ARHGAP15: variants seen among roughly 807,000 people sequenced by gnomAD.
ARHGAP15 encodes rho GTPase-activating protein 15.
ARHGAP15 carries 51 observed loss-of-function variants against 63.7 expected under a neutral mutation model. The ratio of observed to expected loss-of-function variants is 0.80; its 90% confidence interval spans 0.64 to 1.01. The LOEUF is 1.01. Among genes scored for constraint, ARHGAP15 ranks in the 50% least tolerant of loss-of-function variants. The pLI, the probability that ARHGAP15 is intolerant of heterozygous loss-of-function variation, is 0.00. For synonymous variants in ARHGAP15, 191 were observed against 193.8 expected (o/e 0.99, Z 0.12); for missense variants, 560 against 564.6 (o/e 0.99, Z 0.08).
rs929778229 is a variant in ARHGAP15, at chr2:143,486,775, G to A, written c.704-598G>A. 3.9e-5 allele frequency among the ~76,000 whole-genome samples: 6 copies of A among 152,316 alleles called. No individual in the cohort carries two copies. In the East Asian group the frequency reaches 1.2e-3, roughly 29 times the overall value. On this transcript the variant is annotated intron_variant, in intron 8 of 13. Coordinates refer to ENST00000295095, the MANE Select transcript of ARHGAP15 (RefSeq NM_018460.4). ...AAATCTGAGAATAGGAAACTGAGGA[G>A]AGGGGACTAATGAAGACATGGAAAA... is the stretch of plus-strand genomic sequence containing the variant.
At chr2:143,250,310 A>T (rs559718942) in intron 5 of ARHGAP15, among the ~76,000 whole-genome samples, 56 of 152,234 alleles carry the variant, frequency 3.7e-4, no homozygotes, top group African/African-American at 1.3e-3. Flanking sequence ...AAATAATTTT[A>T]AAAATAAGTC....
intron 13 of ARHGAP15, among the ~76,000 whole-genome samples, chr2:143,757,836 T>C (rs1686633260): frequency 6.6e-6 from 1 of 152,106 alleles, no homozygotes; most frequent in Non-Finnish European, 1.5e-5. Flanking sequence ...GGTTGGATTT[T>C]ATAATAATAA....
At chr2:143,495,955 A>G (rs748093717) in intron 9 of ARHGAP15, among the ~76,000 whole-genome samples, 2 of 152,240 alleles carry the variant, frequency 1.3e-5, no homozygotes, top group Non-Finnish European at 2.9e-5. Flanking sequence ...CTTCCACGAT[A>G]TGCACTAATG....
intron 11 of ARHGAP15, among the ~76,000 whole-genome samples, chr2:143,575,430 C>T (rs897893655): frequency 3.3e-5 from 5 of 152,038 alleles, no homozygotes; most frequent in African/African-American, 1.2e-4. Flanking sequence ...GATGAGAGAA[C>T]CAGGATTCTG....
At chr2:143,675,263 C>T (rs977988797) in intron 12 of ARHGAP15, among the ~76,000 whole-genome samples, 1 of 152,200 alleles carries the variant, frequency 6.6e-6, no homozygotes, top group South Asian at 2.1e-4. Context: ...GCTAGTTCCA[C>T]CACATCTACA....
At chr2:143,386,794 CATT>C (rs1188794458) in intron 6 of ARHGAP15, among the ~76,000 whole-genome samples, 1 of 152,022 alleles carries the variant, frequency 6.6e-6, no homozygotes, top group African/African-American at 2.4e-5. Flanking sequence ...AGTTATAAAA[CATT>C]AATTCCTTTT....
chr2:143,134,228 C>A (rs573973511), intron 1 of ARHGAP15, among the ~76,000 whole-genome samples: 1 of 152,194 alleles, frequency 6.6e-6, no homozygotes, highest in East Asian at 1.9e-4. Flanking sequence ...CCAGAAATAA[C>A]ATTTATGAGA....
chr2:143,303,532 A>C (rs917570308), intron 6 of ARHGAP15, among the ~76,000 whole-genome samples: 1 of 152,084 alleles, frequency 6.6e-6, no homozygotes, highest in Admixed American at 6.6e-5. Flanking sequence ...AAAGCTAGGC[A>C]ATACATTCAG....
At chr2:143,490,452 C>T (rs1692538612) in intron 9 of ARHGAP15, among the ~76,000 whole-genome samples, 1 of 152,152 alleles carries the variant, frequency 6.6e-6, no homozygotes, top group African/African-American at 2.4e-5. Flanking sequence ...ATCAGAGTCA[C>T]GTCCACAAAG....
At chr2:143,284,563 A>G (rs1682003549) in intron 6 of ARHGAP15, among the ~76,000 whole-genome samples, 1 of 152,220 alleles carries the variant, frequency 6.6e-6, no homozygotes, top group Non-Finnish European at 1.5e-5. Flanking sequence ...GGTTATGATA[A>G]TGATGCTAGA....
At chr2:143,147,752 C>G (rs1343120185) in intron 1 of ARHGAP15, among the ~76,000 whole-genome samples, 1 of 151,918 alleles carries the variant, frequency 6.6e-6, no homozygotes, top group Non-Finnish European at 1.5e-5. Context: ...GAACATGTAC[C>G]TAGATGTTCA....
chr2:143,612,246 T>C (rs1232044007), intron 11 of ARHGAP15, among the ~76,000 whole-genome samples: 3 of 152,226 alleles, frequency 2.0e-5, no homozygotes, highest in Admixed American at 1.3e-4. Context: ...TTTGATCCAT[T>C]TCATACCTCT....
intron 6 of ARHGAP15, among the ~76,000 whole-genome samples, chr2:143,370,830 T>G (rs941009615): frequency 6.6e-6 from 1 of 152,222 alleles, no homozygotes; most frequent in Non-Finnish European, 1.5e-5. Context: ...TACTTCTTTC[T>G]CTACTATGGT....
chr2:143,748,153 G>C (rs1465264853), intron 13 of ARHGAP15, among the ~76,000 whole-genome samples: 4 of 152,142 alleles, frequency 2.6e-5, no homozygotes, highest in Non-Finnish European at 5.9e-5. Context: ...CTTTTTCTCT[G>C]CAACTACAAC....
At chr2:143,278,660 T>A (rs1464866218) in intron 6 of ARHGAP15, among the ~76,000 whole-genome samples, 1 of 152,136 alleles carries the variant, frequency 6.6e-6, no homozygotes, top group African/African-American at 2.4e-5. Context: ...ATATTTCTAT[T>A]CTGGTACAAT....
chr2:143,396,757 G>T (rs1470950936), intron 6 of ARHGAP15, among the ~76,000 whole-genome samples: 1 of 151,864 alleles, frequency 6.6e-6, no homozygotes, highest in African/African-American at 2.4e-5. Context: ...AGGTCCAAAT[G>T]GCTCAAGCAT....
intron 6 of ARHGAP15, among the ~76,000 whole-genome samples, chr2:143,407,985 G>GTGTA (rs1398385928): frequency 0.077 from 6,244 of 81,396 alleles, 588 homozygotes; most frequent in Non-Finnish European, 0.12. Context: ...ACTTCTGTGT[G>GTGTA]TGTATATATA....
At chr2:143,234,674 C>T (rs941464158) in intron 5 of ARHGAP15, among the ~76,000 whole-genome samples, 13 of 152,244 alleles carry the variant, frequency 8.5e-5, no homozygotes, top group South Asian at 6.2e-4. Context: ...ATATTTCCTT[C>T]GGTTTGGAGA....
intron 8 of ARHGAP15, among the ~76,000 whole-genome samples, chr2:143,444,972 G>T (rs185542480): frequency 8.4e-4 from 127 of 151,978 alleles, no homozygotes; most frequent in African/African-American, 2.9e-3. Flanking sequence ...GAAATCAGTT[G>T]TTCCTGCTAC....
Sources: allele counts gnomAD v4.1 joint callset (sites outside exome capture counted in the v4.1 genomes callset), GRCh38; gene constraint gnomAD v4.1.1; transcripts MANE v1.5; gene names NCBI Gene and HGNC (gene_info 2026-07-23, HGNC 2026-07-21).